SUFU: variants seen among roughly 807,000 people sequenced by gnomAD.
SUFU encodes the protein SUFU negative regulator of hedgehog signaling, also known as suppressor of fused homolog.
In SUFU, 7 loss-of-function variants were observed where a neutral mutation model predicts 58.9. The observed-to-expected ratio is 0.12, with a 90% confidence interval of 0.07 to 0.22. SUFU has a LOEUF of 0.22. Among genes scored for constraint, SUFU ranks in the 10% least tolerant of loss-of-function variants. SUFU has a pLI of 1.00. For synonymous variants in SUFU, 232 were observed against 254.8 expected (o/e 0.91, Z 0.85); for missense variants, 451 against 641.3 (o/e 0.70, Z 3.20).
chr10:102,562,389 T>C (rs986371667), intron 3 of SUFU, among the ~76,000 whole-genome samples: 2 of 152,058 alleles, frequency 1.3e-5, no homozygotes, highest in African/African-American at 2.4e-5. Context: ...CTGGGTGTGG[T>C]GGCACGCACC....
chr10:102,599,454 C>CCCT lies in SUFU; in HGVS notation c.933_935dup (p.Leu312dup). On this transcript the variant is annotated inframe_insertion, in exon 8 of 12. Coordinates refer to ENST00000369902, the MANE Select transcript of SUFU (RefSeq NM_016169.4). The stretch of plus-strand genomic sequence containing the variant: ...GCAGACACAGAGCAGATCCGGGAGA[C>CCCT]CCTGAGGAGAGGACTCGAGATCAAC... 1 of 1,614,094 alleles carries CCCT rather than the reference C, an allele frequency of 6.2e-7. No individual in the cohort carries two copies. The highest frequency in any genetic ancestry group is 8.5e-7 in the Non-Finnish European group (1 of 1,179,996).
chr10:102,504,817 C>T (rs2062304223), intron 1 of SUFU, among the ~76,000 whole-genome samples: 1 of 151,828 alleles, frequency 6.6e-6, no homozygotes, highest in Non-Finnish European at 1.5e-5. Flanking sequence ...GGGCCCAGGG[C>T]TCTCCTGTGG....
intron 2 of SUFU, among the ~76,000 whole-genome samples, chr10:102,514,647 T>G (rs893940468): frequency 6.6e-6 from 1 of 152,238 alleles, no homozygotes; most frequent in Admixed American, 6.5e-5. Context: ...GTCAGACAGC[T>G]GAGCCTCAGC....
intron 8 of SUFU, among the ~76,000 whole-genome samples, chr10:102,604,870 G>T (rs1304337321): frequency 3.4e-5 from 5 of 146,786 alleles, no homozygotes; most frequent in Non-Finnish European, 6.0e-5. Context: ...ACCATTTCAT[G>T]ATTTCATGAT....
intron 2 of SUFU, among the ~76,000 whole-genome samples, chr10:102,531,594 C>G: frequency 6.6e-6 from 1 of 152,144 alleles, no homozygotes; most frequent in Admixed American, 6.6e-5. Flanking sequence ...AAGGAGAGTC[C>G]TGTGATGGAG....
chr10:102,516,325 C>T (rs1012669982), intron 2 of SUFU, among the ~76,000 whole-genome samples: 2 of 151,992 alleles, frequency 1.3e-5, no homozygotes, highest in African/African-American at 4.8e-5. Context: ...CTACCCGTCT[C>T]AGCCTCCCAA....
At chr10:102,541,141 CCCT>C in intron 2 of SUFU, among the ~76,000 whole-genome samples, 1 of 152,140 alleles carries the variant, frequency 6.6e-6, no homozygotes, top group Middle Eastern at 3.4e-3. Context: ...AGCATTTTCT[CCCT>C]CCTCATTGAT....
intron 8 of SUFU, among the ~76,000 whole-genome samples, chr10:102,611,197 A>C (rs1301271576): frequency 6.6e-6 from 1 of 152,252 alleles, no homozygotes; most frequent in East Asian, 1.9e-4. Context: ...AGCCACAGAT[A>C]GTAGAAAAAG....
chr10:102,623,756 A>G (rs1284240528), intron 10 of SUFU, among the ~76,000 whole-genome samples: 14 of 152,204 alleles, frequency 9.2e-5, no homozygotes, highest in Admixed American at 9.2e-4. Context: ...CCTGGCCAAC[A>G]TGGCAAAACC....
intron 6 of SUFU, among the ~76,000 whole-genome samples, chr10:102,594,741 G>A (rs577427952): frequency 1.3e-5 from 2 of 152,102 alleles, no homozygotes; most frequent in South Asian, 4.2e-4. Context: ...TTTTTGAGAC[G>A]GAGTTTCGCT....
At position 102,568,923 on chromosome 10, in the gene SUFU, C is replaced by A. The variant is rs7090734; in HGVS notation, c.454+18817C>A. ...ATATATATATATATATATATATACA[C>A]ATATATATATATATATATATATATA... On this transcript the variant is annotated intron_variant, in intron 3 of 11. Coordinates refer to ENST00000369902, the MANE Select transcript of SUFU (RefSeq NM_016169.4). Among the ~76,000 whole-genome samples the A allele has an allele frequency of 7.2e-4, 28 of 39,086 alleles. 3 individuals are homozygous for A. Among genetic ancestry groups the A allele is most frequent in the African/African-American group, 3.6e-3 (27 of 7,484 alleles). The allele number at this position is 39,086 out of a possible 152,430, so 25.6% of individuals were successfully genotyped here. A position where few individuals can be genotyped will look rare whatever the true frequency, so the allele number is the denominator to read the frequency against.
At chr10:102,556,776 G>GGAAGGGAAT (rs2135760199) in intron 3 of SUFU, among the ~76,000 whole-genome samples, 1 of 149,706 alleles carries the variant, frequency 6.7e-6, no homozygotes, top group South Asian at 2.1e-4. Flanking sequence ...AGGAAGGGAA[G>GGAAGGGAAT]AAGGAAGGGA....
chr10:102,509,430 A>C, intron 2 of SUFU, 127 bp downstream of exon 2: 1 of 1,331,282 alleles, frequency 7.5e-7, no homozygotes, highest in African/African-American at 1.4e-5. Flanking sequence ...CTGCCCTCTG[A>C]CTATATCTAC....
intron 1 of SUFU, among the ~76,000 whole-genome samples, chr10:102,506,733 A>G (rs12244704): frequency 0.043 from 6,605 of 152,248 alleles, 457 homozygotes; most frequent in African/African-American, 0.15. Context: ...TAAGATCCTG[A>G]AATTCATTTA....
At chr10:102,589,906 G>A (rs1354593871) in intron 3 of SUFU, among the ~76,000 whole-genome samples, 1 of 151,626 alleles carries the variant, frequency 6.6e-6, no homozygotes, top group East Asian at 1.9e-4. Context: ...TAGCTGTGGG[G>A]TTTTTTGTTA....
chr10:102,521,657 C>A (rs753733491), intron 2 of SUFU, among the ~76,000 whole-genome samples: 3 of 152,146 alleles, frequency 2.0e-5, no homozygotes, highest in African/African-American at 7.2e-5. Context: ...CATTCCATAC[C>A]CTATTGGGCT....
Position 102,619,705 on chromosome 10 carries a change from T to C in SUFU, c.1296+2277T>C, listed in dbSNP as rs925187369. Among the ~76,000 whole-genome samples the C allele has an allele frequency of 6.6e-6, 1 of 152,080 alleles. No homozygotes were observed. Among genetic ancestry groups the C allele is most frequent in the African/African-American group, 2.4e-5 (1 of 41,392 alleles). ...TCCCCCTGCCAGGCAGTCAGCACTT[T>C]CTCCCTCTGACTGCCAGCCAGCCGC... is the stretch of plus-strand genomic sequence containing the variant. On this transcript the variant is annotated intron_variant, in intron 10 of 11. Transcript: ENST00000369902. The surrounding 1 kb of genome is among the most constrained non-coding windows in gnomAD (Gnocchi z 4.2).
intron 1 of SUFU, among the ~76,000 whole-genome samples, chr10:102,505,771 CTG>C (rs1326618412): frequency 6.6e-6 from 1 of 152,200 alleles, no homozygotes; most frequent in African/African-American, 2.4e-5. Context: ...CACTGGCGAA[CTG>C]TTCTCTGGTT....
intron 9 of SUFU, 98 bp downstream of exon 9, chr10:102,615,500 C>T (rs1389704926): frequency 1.6e-5 from 25 of 1,581,718 alleles, no homozygotes; most frequent in Non-Finnish European, 1.9e-5. Context: ...CCCCAGCAGG[C>T]GTCCTCCAGG....
Sources: allele counts gnomAD v4.1 joint callset (sites outside exome capture counted in the v4.1 genomes callset), GRCh38; gene constraint gnomAD v4.1.1; non-coding constraint Gnocchi (gnomAD v3.1); transcripts MANE v1.5; gene names NCBI Gene and HGNC (gene_info 2026-07-23, HGNC 2026-07-21).